The following DLG1 variants were observed in gnomAD, a reference collection of about 807,000 sequenced individuals.
DLG1 encodes the protein disks large homolog 1.
DLG1 carries 42 observed loss-of-function variants against 123.4 expected under a neutral mutation model. The observed-to-expected ratio is 0.34, with a 90% CI of 0.27 to 0.44. DLG1 has a LOEUF of 0.44. DLG1 is among the 20% of genes least tolerant of loss of function. DLG1 has a pLI of 1.00. For missense variants in DLG1, 942 were observed against 1,082.6 expected (o/e 0.87, Z 1.82); for synonymous variants, 317 against 356.2 (o/e 0.89, Z 1.24).
intron 24 of DLG1, among the ~76,000 whole-genome samples, chr3:197,047,342 T>C (rs146548372): frequency 6.6e-6 from 1 of 151,980 alleles, no homozygotes; most frequent in Non-Finnish European, 1.5e-5. Context: ...CTTGAGGAAT[T>C]TGGGTGAAGG....
intron 5 of DLG1, chr3:197,183,619 GTCT>G (rs1032486697): frequency 1.3e-6 from 2 of 1,550,522 alleles, no homozygotes; most frequent in African/African-American, 2.7e-5. Context: ...ATAAAGCTGT[GTCT>G]TCGAGTGAAA....
intron 3 of DLG1, among the ~76,000 whole-genome samples, chr3:197,295,064 C>T (rs144226118): frequency 5.3e-5 from 8 of 152,260 alleles, no homozygotes; most frequent in Non-Finnish European, 7.4e-5. Flanking sequence ...ATCATCCATT[C>T]GGACCTTAAA....
At chr3:197,059,633 C>CCACTAGTCACTATTTACACTAGCCA (rs71623333) in intron 23 of DLG1, among the ~76,000 whole-genome samples, 5 of 151,924 alleles carry the variant, frequency 3.3e-5, no homozygotes, top group African/African-American at 1.2e-4. Context: ...ACTTCAGTAG[C>CCACTAGTCACTATTTACACTAGCCA]CACTAGTCAC....
At chr3:197,134,753 T>C (rs897615344) in intron 10 of DLG1, among the ~76,000 whole-genome samples, 2 of 152,232 alleles carry the variant, frequency 1.3e-5, no homozygotes, top group African/African-American at 2.4e-5. Flanking sequence ...AAACCTATGT[T>C]TGACCTGTCA....
intron 4 of DLG1, among the ~76,000 whole-genome samples, chr3:197,258,143 C>T (rs1012386743): frequency 1.3e-5 from 2 of 151,690 alleles, no homozygotes; most frequent in African/African-American, 4.9e-5. Context: ...TATCTAAATC[C>T]AGAAGAGTAT....
At chr3:197,184,959 C>T (rs187230658) in intron 5 of DLG1, among the ~76,000 whole-genome samples, 1 of 152,114 alleles carries the variant, frequency 6.6e-6, no homozygotes, top group Non-Finnish European at 1.5e-5. Context: ...TGTTTACGGG[C>T]AGGGGGAACC....
At chr3:197,072,692 AAAC>A (rs1332782700) in intron 18 of DLG1, among the ~76,000 whole-genome samples, 38 of 151,314 alleles carry the variant, frequency 2.5e-4, no homozygotes, top group South Asian at 2.1e-4. Context: ...AAAAAAAAAA[AAAC>A]AAAAAAACAA....
In DLG1 at chr3:197,161,604, G is replaced by T. The variant is rs370427455; in HGVS notation, c.484-11808C>A. On this transcript the variant is annotated intron_variant, in intron 5 of 24. Transcript: ENST00000667157. The stretch of plus-strand genomic sequence containing the variant: ...CACAAATGAAACATTAAAAGCAAAT[G>T]AAATTTTTATAAAGAAAAAAGAAAC... 2.3e-5 allele frequency: 29 copies of T among 1,244,260 alleles called. No individual in the cohort carries two copies. In the African/African-American group the frequency reaches 3.6e-4, roughly 16 times the overall value. The allele number at this position is 1,244,260 out of a possible 1,614,324, so 77.1% of individuals were successfully genotyped here. A position where few individuals can be genotyped will look rare whatever the true frequency, so the allele number is the denominator to read the frequency against.
At chr3:197,240,710 A>G (rs1748391980) in intron 4 of DLG1, among the ~76,000 whole-genome samples, 1 of 152,132 alleles carries the variant, frequency 6.6e-6, no homozygotes, top group South Asian at 2.1e-4. Context: ...CCAAGTCATA[A>G]CACCAAAAGA....
intron 23 of DLG1, among the ~76,000 whole-genome samples, chr3:197,052,354 C>CT (rs779067138): frequency 2.9e-4 from 44 of 151,996 alleles, no homozygotes; most frequent in Non-Finnish European, 5.7e-4. Context: ...ACCTGGGAGG[C>CT]TAAGGCAGGA....
Position 197,149,743 on chromosome 3 carries a change from G to GT in DLG1, c.536dup (p.Tyr179Ter), listed in dbSNP as rs752247070. Residue 179 changes from tyrosine to a stop codon, truncating the protein, a stop_gained and frameshift_variant and splice_region_variant, in exon 6 of 25, where the codon TAC becomes TAAC. Transcript: ENST00000667157. LOFTEE classifies it high-confidence loss of function. ...AATGTGGGGAGGAAATGGAACTTACGTAAGTTGGTGTTTCCAAGCTATCTG... is the reference window on the plus strand; with the variant it reads ...AATGTGGGGAGGAAATGGAACTTACGTTAAGTTGGTGTTTCCAAGCTATCTG... ...VNTDSLETPT[Y>*]VNGTDADYEY... The GT allele has an allele frequency of 1.3e-6, 2 of 1,592,760 alleles. No individual in the cohort carries two copies. Among genetic ancestry groups the GT allele is most frequent in the Non-Finnish European group, 1.7e-6 (2 of 1,161,064 alleles).
At chr3:197,227,103 A>T (rs1180941724) in intron 4 of DLG1, among the ~76,000 whole-genome samples, 1 of 152,216 alleles carries the variant, frequency 6.6e-6, no homozygotes, top group Non-Finnish European at 1.5e-5. Flanking sequence ...CATCTATGTA[A>T]TTATCTTTTC....
chr3:197,086,344 C>A (rs1754350050), intron 15 of DLG1, among the ~76,000 whole-genome samples: 1 of 152,078 alleles, frequency 6.6e-6, no homozygotes, highest in Non-Finnish European at 1.5e-5. Context: ...ACGGTAATTG[C>A]AAAGTGTTAA....
rs1332211516 is a variant in DLG1, at chr3:197,174,226, T to C, written c.483+20199A>G. 2.6e-5 allele frequency among the ~76,000 whole-genome samples: 4 copies of C among 152,230 alleles called. No homozygotes were observed. In the South Asian group the frequency reaches 6.2e-4, roughly 24 times the overall value. ...ATAAGTCAATGAAGAAAATAGAAAA[T>C]GGCTTTAAGACACCTAAGTTAACTT... On this transcript the variant is annotated intron_variant, in intron 5 of 24. Coordinates refer to ENST00000667157, the MANE Select transcript of DLG1 (RefSeq NM_001366207.1).
intron 24 of DLG1, among the ~76,000 whole-genome samples, chr3:197,048,464 C>G (rs560805184): frequency 1.4e-5 from 2 of 145,618 alleles, no homozygotes; most frequent in African/African-American, 2.8e-5. Context: ...GAGCAAGACT[C>G]TGTCACAAAC....
At chr3:197,248,201 C>A (rs142234695) in intron 4 of DLG1, among the ~76,000 whole-genome samples, 1 of 152,140 alleles carries the variant, frequency 6.6e-6, no homozygotes, top group South Asian at 2.1e-4. Context: ...TATACTTCAC[C>A]GCCCCCTGGC....
At chr3:197,142,016 A>C (rs988579160) in intron 7 of DLG1, among the ~76,000 whole-genome samples, 2 of 152,180 alleles carry the variant, frequency 1.3e-5, no homozygotes, top group African/African-American at 4.8e-5. Flanking sequence ...AGGGAAAAAC[A>C]TATCTTAAGA....
At chr3:197,079,628 T>C (rs533922337) in intron 17 of DLG1, among the ~76,000 whole-genome samples, 67 of 152,310 alleles carry the variant, frequency 4.4e-4, no homozygotes, top group African/African-American at 1.6e-3. Flanking sequence ...TTGTACTAAA[T>C]CATTTTTAAA....
At chr3:197,171,703 T>C (rs1419313584) in intron 5 of DLG1, among the ~76,000 whole-genome samples, 1 of 152,158 alleles carries the variant, frequency 6.6e-6, no homozygotes, top group Non-Finnish European at 1.5e-5. Context: ...AGCATTCAGA[T>C]GACAATCTTG....
Sources: gnomAD v4.1 joint callset for allele counts (sites outside exome capture counted in the v4.1 genomes callset) on GRCh38, gnomAD v4.1.1 for gene constraint, MANE v1.5 for transcripts, NCBI Gene and HGNC (gene_info 2026-07-23, HGNC 2026-07-21) for gene names.